IFT80: variants seen among roughly 807,000 people sequenced by gnomAD.
The protein encoded by IFT80 is intraflagellar transport 80, also known as intraflagellar transport protein 80 homolog.
IFT80 carries 79 observed loss-of-function variants against 107.9 expected under a neutral mutation model. The ratio of observed to expected loss-of-function variants is 0.73; its 90% CI spans 0.61 to 0.88. IFT80 has a LOEUF of 0.88. Among genes scored for constraint, IFT80 ranks in the 40% least tolerant of loss-of-function variants. The probability of loss-of-function intolerance (pLI) is 0.00; values close to 1 mark genes in which losing one functional copy is unlikely to be tolerated. For missense variants in IFT80, 797 were observed against 914.2 expected (o/e 0.87, Z 1.65); for synonymous variants, 299 against 300.9 (o/e 0.99, Z 0.07).
chr3:160,283,111 T>G (rs78107381), intron 13 of IFT80, among the ~76,000 whole-genome samples: 3 of 152,222 alleles, frequency 2.0e-5, no homozygotes, highest in Non-Finnish European at 4.4e-5. Context: ...AAGCTTGTAA[T>G]GTAGGTATTA....
At chr3:160,334,832 CT>C (rs889828628) in intron 8 of IFT80, among the ~76,000 whole-genome samples, 10 of 148,374 alleles carry the variant, frequency 6.7e-5, no homozygotes, top group African/African-American at 2.5e-4. Flanking sequence ...AGACAGTTTC[CT>C]TGTTTTCTAG....
chr3:160,278,041 G>C (rs1000402815), intron 16 of IFT80, among the ~76,000 whole-genome samples: 1 of 152,204 alleles, frequency 6.6e-6, no homozygotes, highest in African/African-American at 2.4e-5. Context: ...GATTGCTACT[G>C]ATATACCAGT....
At chr3:160,382,417 T>C (rs1712594016) in intron 2 of IFT80, among the ~76,000 whole-genome samples, 1 of 152,194 alleles carries the variant, frequency 6.6e-6, no homozygotes. Context: ...ACTTCACTTA[T>C]AAGATGCATA....
chr3:160,378,945 A>G (rs941642714), intron 3 of IFT80, among the ~76,000 whole-genome samples: 6 of 152,152 alleles, frequency 3.9e-5, no homozygotes, highest in Non-Finnish European at 8.8e-5. Context: ...AATAGATGCT[A>G]AGAGAGTGGG....
Position 160,285,931 on chromosome 3 carries a change from T to A in IFT80, c.1316-63A>T, listed in dbSNP as rs1349520072. 6 of 1,133,954 alleles carry A rather than the reference T, an allele frequency of 5.3e-6. No homozygotes were observed. In the African/African-American group the frequency reaches 9.3e-5, roughly 18 times the overall value. 70.2% of individuals were successfully genotyped at this position (1,133,954 alleles called of 1,614,324 possible). On this transcript the variant is annotated intron_variant, in intron 12 of 19. Transcript: ENST00000326448. The stretch of plus-strand genomic sequence containing the variant: ...TAGAATTTTTACTGGTAAAATTCAG[T>A]GAAACTATTATAATCCTTATAAGAA...
chr3:160,361,783 A>C (rs1721509381), intron 6 of IFT80, among the ~76,000 whole-genome samples: 1 of 152,214 alleles, frequency 6.6e-6, no homozygotes, highest in South Asian at 2.1e-4. Context: ...ACTACTGGGT[A>C]CATAACGAAA....
intron 2 of IFT80, among the ~76,000 whole-genome samples, chr3:160,382,885 C>T (rs565067630): frequency 1.0e-3 from 154 of 152,182 alleles, no homozygotes; most frequent in African/African-American, 3.7e-3. Context: ...ATAGAAAGAT[C>T]TTAAGAGTCT....
At position 160,388,050 on chromosome 3, in the gene IFT80, T is replaced by C. The variant is rs34272068; in HGVS notation, c.-46-3404A>G. On this transcript the variant is annotated intron_variant, in intron 1 of 19. Coordinates refer to ENST00000326448, the MANE Select transcript of IFT80 (RefSeq NM_020800.3). ...AAGGAACTGACAGGCCAGGGATTTA[T>C]TTGTGGACATTTTAATGATGTCAAG... Among the ~76,000 whole-genome samples, 415 of 152,274 alleles carry C rather than the reference T, an allele frequency of 2.7e-3. 7 individuals are homozygous for C. In the South Asian group the frequency reaches 0.031, roughly 11 times the overall value.
intron 5 of IFT80, among the ~76,000 whole-genome samples, chr3:160,374,936 T>C (rs1230992386): frequency 3.3e-5 from 5 of 152,168 alleles, no homozygotes; most frequent in Non-Finnish European, 7.4e-5. Context: ...AAATACTACT[T>C]AGTATTTCTG....
chr3:160,382,372 T>C (rs946743283), intron 2 of IFT80, among the ~76,000 whole-genome samples: 1 of 152,190 alleles, frequency 6.6e-6, no homozygotes, highest in African/African-American at 2.4e-5. Flanking sequence ...CAAACTTTCC[T>C]ACATTAAAAT....
At position 160,301,005 on chromosome 3, in the gene IFT80, G is replaced by A; in HGVS notation, c.1193C>T (p.Ser398Leu). 1 of 1,597,294 alleles carries A rather than the reference G, an allele frequency of 6.3e-7. No homozygotes were observed. The highest frequency in any genetic ancestry group is 2.2e-5 in the East Asian group (1 of 44,594). Residue 398 changes from serine (S) to leucine (L), a missense_variant, in exon 12 of 20, where the codon TCA (serine) becomes TTA (leucine). Transcript: ENST00000326448. Reference protein sequence around the residue: ...LVDGSSIYLYSYEGRFISSPK... With the variant: ...LVDGSSIYLYLYEGRFISSPK... ...AGATGAAATAAAGCGCCCTTCATAT[G>A]AATATAAATAGATACTACTACCATC... is the stretch of plus-strand genomic sequence containing the variant.
intron 9 of IFT80, among the ~76,000 whole-genome samples, chr3:160,308,151 T>C (rs1334158586): frequency 1.3e-5 from 2 of 152,284 alleles, no homozygotes; most frequent in East Asian, 3.9e-4. Context: ...CCCAAAATGG[T>C]AAGAATATCT....
intron 8 of IFT80, among the ~76,000 whole-genome samples, chr3:160,355,174 G>A (rs1485752893): frequency 6.6e-6 from 1 of 152,166 alleles, no homozygotes; most frequent in Admixed American, 6.5e-5. Context: ...ATGAAGGAGG[G>A]CATATTCTCT....
chr3:160,320,410 G>A (rs1465139781), intron 8 of IFT80, among the ~76,000 whole-genome samples: 1 of 151,424 alleles, frequency 6.6e-6, no homozygotes, highest in African/African-American at 2.4e-5. Flanking sequence ...GAAATTACAC[G>A]AAACTGGATC....
At chr3:160,324,150 C>A (rs1718493772) in intron 8 of IFT80, among the ~76,000 whole-genome samples, 1 of 152,054 alleles carries the variant, frequency 6.6e-6, no homozygotes, top group Admixed American at 6.6e-5. Flanking sequence ...GCTTACCAAC[C>A]AAAAGGAGTC....
chr3:160,273,062 C>T (rs953860251), intron 18 of IFT80, among the ~76,000 whole-genome samples: 2 of 152,118 alleles, frequency 1.3e-5, no homozygotes, highest in Admixed American at 6.6e-5. Context: ...GGATACCAAG[C>T]GATTACACTT....
rs1165207585 is a variant in IFT80, at chr3:160,272,470, C to T, written c.2100-3934G>A. Reference sequence around the variant, plus strand: ...TCATTGTCGAAGTGAATGATGGGTACATTCAGACTATTCTCTCTACTTTTG... The same window carrying T: ...TCATTGTCGAAGTGAATGATGGGTATATTCAGACTATTCTCTCTACTTTTG... On this transcript the variant is annotated intron_variant, in intron 18 of 19. Transcript: ENST00000326448. Among the ~76,000 whole-genome samples the T allele has an allele frequency of 2.0e-5, 3 of 152,100 alleles. No homozygotes were observed. The South Asian group carries it at 6.2e-4, about 31-fold the overall frequency.
At chr3:160,319,655 T>A in intron 9 of IFT80, 105 bp downstream of exon 9, 3 of 1,030,546 alleles carry the variant, frequency 2.9e-6, no homozygotes, top group Non-Finnish European at 4.4e-6. Context: ...TGACTGAATT[T>A]TTATAAGCTT....
At chr3:160,312,668 A>G (rs867321828) in intron 9 of IFT80, among the ~76,000 whole-genome samples, 9 of 30,438 alleles carry the variant, frequency 3.0e-4, no homozygotes, top group African/African-American at 1.3e-3. Context: ...TATAATATAT[A>G]ATATATATAA....
Sources: allele counts gnomAD v4.1 joint callset (sites outside exome capture counted in the v4.1 genomes callset), GRCh38; gene constraint gnomAD v4.1.1; transcripts MANE v1.5; gene names NCBI Gene and HGNC (gene_info 2026-07-23, HGNC 2026-07-21).